The following COG5 variants were observed in gnomAD, a reference collection of about 807,000 sequenced individuals.
COG5 encodes the protein conserved oligomeric Golgi complex subunit 5.
COG5 carries 86 observed loss-of-function variants against 110.4 expected under a neutral mutation model. The ratio of observed to expected loss-of-function variants is 0.78; its 90% CI spans 0.65 to 0.93. The LOEUF is 0.93. COG5 is among the 40% of genes least tolerant of loss of function. COG5 has a pLI of 0.00. For missense variants in COG5, 1,077 were observed against 987.0 expected (o/e 1.09, Z -1.22); for synonymous variants, 360 against 334.6 (o/e 1.08, Z -0.83).
chr7:107,297,268 T>C (rs1467612203), intron 12 of COG5, among the ~76,000 whole-genome samples: 1 of 152,110 alleles, frequency 6.6e-6, no homozygotes, highest in African/African-American at 2.4e-5. Context: ...CTAAGCAATA[T>C]AGTATAATAA....
chr7:107,560,183 G>T (rs1803665482), intron 1 of COG5, among the ~76,000 whole-genome samples: 2 of 152,144 alleles, frequency 1.3e-5, no homozygotes, highest in Admixed American at 1.3e-4. Flanking sequence ...ATCTACGATG[G>T]TGAGAGTATT....
At chr7:107,427,802 C>T (rs1793750074) in intron 6 of COG5, among the ~76,000 whole-genome samples, 1 of 151,906 alleles carries the variant, frequency 6.6e-6, no homozygotes, top group Non-Finnish European at 1.5e-5. Context: ...AAGTTCTTGT[C>T]CTGCATCCAA....
At chr7:107,401,651 T>C (rs76204168) in intron 7 of COG5, among the ~76,000 whole-genome samples, 3,742 of 152,282 alleles carry the variant, frequency 0.025, 143 homozygotes, top group African/African-American at 0.083. Context: ...GGGGAAAAAT[T>C]ACTGAAACTC....
At chr7:107,258,034 T>C (rs1202949061) in intron 15 of COG5, among the ~76,000 whole-genome samples, 1 of 152,090 alleles carries the variant, frequency 6.6e-6, no homozygotes, top group African/African-American at 2.4e-5. Flanking sequence ...ATAAACTTAA[T>C]TAACTTGAGG....
At chr7:107,442,369 C>G (rs1047085378) in intron 6 of COG5, among the ~76,000 whole-genome samples, 1 of 152,136 alleles carries the variant, frequency 6.6e-6, no homozygotes, top group Non-Finnish European at 1.5e-5. Context: ...TTATCAATTA[C>G]CCATTCTCAG....
chr7:107,296,230 T>C (rs1033578075), intron 12 of COG5, among the ~76,000 whole-genome samples: 2 of 149,632 alleles, frequency 1.3e-5, no homozygotes, highest in South Asian at 4.4e-4. Flanking sequence ...GGAACATATA[T>C]TCATTTTACA....
chr7:107,384,518 C>T (rs1341913129), intron 7 of COG5, among the ~76,000 whole-genome samples: 5 of 152,142 alleles, frequency 3.3e-5, no homozygotes. Flanking sequence ...CCTGTTTTCC[C>T]CCTTTTCCCC....
chr7:107,326,069 A>AC (rs1809738688), intron 10 of COG5, among the ~76,000 whole-genome samples: 8 of 152,238 alleles, frequency 5.3e-5, no homozygotes, highest in Admixed American at 5.2e-4. Flanking sequence ...TGGTCGTCTC[A>AC]ATTAATGCAG....
intron 6 of COG5, among the ~76,000 whole-genome samples, chr7:107,488,859 A>C (rs1797813713): frequency 6.6e-6 from 1 of 151,970 alleles, no homozygotes; most frequent in Non-Finnish European, 1.5e-5. Flanking sequence ...AATATTAATA[A>C]AAAATTAAAA....
Position 107,362,087 on chromosome 7 carries a change from CA to C in COG5, c.971del (p.Leu324TrpfsTer17). ...GAGAAACAGGATCTCTCTTCTTGGC[CA>C]ATACTTTTTGTAGATGTTGTACCTT... ...CGQVQHLQKV[L>X]AKKRDPVSHI... On this transcript the variant is annotated frameshift_variant, in exon 10 of 22. Coordinates refer to ENST00000297135, the MANE Select transcript of COG5 (RefSeq NM_006348.5). LOFTEE classifies it high-confidence loss of function. 2 of 1,608,924 alleles carry C rather than the reference CA, an allele frequency of 1.2e-6. No individual in the cohort carries two copies. The highest frequency in any genetic ancestry group is 1.7e-6 in the Non-Finnish European group (2 of 1,176,194).
At chr7:107,398,074 T>C (rs116264516) in intron 7 of COG5, among the ~76,000 whole-genome samples, 1,778 of 152,192 alleles carry the variant, frequency 0.012, 19 homozygotes, top group African/African-American at 0.04. Flanking sequence ...TAACCTTAGG[T>C]AGGCAAAAAT....
intron 6 of COG5, among the ~76,000 whole-genome samples, chr7:107,516,954 A>G (rs1307608722): frequency 6.6e-6 from 1 of 152,222 alleles, no homozygotes; most frequent in Non-Finnish European, 1.5e-5. Context: ...CTTCTCCTCC[A>G]AATGATCGCA....
At chr7:107,501,665 T>C (rs888728701) in intron 6 of COG5, among the ~76,000 whole-genome samples, 1 of 152,136 alleles carries the variant, frequency 6.6e-6, no homozygotes, top group Non-Finnish European at 1.5e-5. Flanking sequence ...TCAATTAGTT[T>C]TAAAAAAGGT....
At chr7:107,440,104 C>A (rs1472643250) in intron 6 of COG5, among the ~76,000 whole-genome samples, 1 of 152,180 alleles carries the variant, frequency 6.6e-6, no homozygotes, top group Non-Finnish European at 1.5e-5. Flanking sequence ...GCTCCTCACT[C>A]AGTATTCTCC....
intron 6 of COG5, among the ~76,000 whole-genome samples, chr7:107,452,583 G>A (rs1388047513): frequency 1.3e-5 from 2 of 152,140 alleles, no homozygotes; most frequent in African/African-American, 4.8e-5. Context: ...AAAAACGGGA[G>A]TTTCCTTGCA....
intron 16 of COG5, among the ~76,000 whole-genome samples, chr7:107,254,552 C>T (rs974023525): frequency 2.6e-5 from 4 of 152,034 alleles, no homozygotes; most frequent in African/African-American, 4.8e-5. Flanking sequence ...TTATCGAGTT[C>T]GAAAAGGCAA....
intron 6 of COG5, among the ~76,000 whole-genome samples, chr7:107,427,240 A>G (rs994740001): frequency 2.0e-5 from 3 of 152,184 alleles, no homozygotes; most frequent in Non-Finnish European, 4.4e-5. Flanking sequence ...AGGGTTCCAA[A>G]CTACCACGGA....
At chr7:107,229,060 G>GACAGTTTATATAAAGGCCTCCCATC (rs1800576817) in intron 19 of COG5, among the ~76,000 whole-genome samples, 1 of 152,036 alleles carries the variant, frequency 6.6e-6, no homozygotes, top group African/African-American at 2.4e-5. Flanking sequence ...GGATATTATG[G>GACAGTTTATATAAAGGCCTCCCATC]ACAGTTTATA....
At chr7:107,286,060 G>T (rs534417923) in intron 12 of COG5, among the ~76,000 whole-genome samples, 1 of 152,164 alleles carries the variant, frequency 6.6e-6, no homozygotes. Context: ...ATAGGATGAG[G>T]CAAAGGAAGG....
Sources: allele counts gnomAD v4.1 joint callset (sites outside exome capture counted in the v4.1 genomes callset), GRCh38; gene constraint gnomAD v4.1.1; transcripts MANE v1.5; gene names NCBI Gene and HGNC (gene_info 2026-07-23, HGNC 2026-07-21).